Variants in MCTP1 observed in about 807,000 individuals in gnomAD.
MCTP1 encodes the protein multiple C2 and transmembrane domain containing 1, also known as multiple C2 and transmembrane domain-containing protein 1.
Under a neutral mutation model 120.6 loss-of-function variants are expected in MCTP1, and 69 were observed. That is an observed-to-expected ratio of 0.57 (90% CI 0.47 to 0.70). The LOEUF (loss-of-function observed/expected upper bound fraction) is 0.70. MCTP1 is among the 30% of genes least tolerant of loss of function. MCTP1 has a pLI of 0.00. For synonymous variants in MCTP1, 529 were observed against 493.1 expected (o/e 1.07, Z -0.96); for missense variants, 1,203 against 1,248.8 (o/e 0.96, Z 0.55).
chr5:94,801,072 CAG>C (rs1781132616), intron 17 of MCTP1, among the ~76,000 whole-genome samples: 2 of 152,036 alleles, frequency 1.3e-5, no homozygotes, highest in South Asian at 4.1e-4. Flanking sequence ...GTAAATGTGA[CAG>C]ACATCAATAC....
intron 1 of MCTP1, among the ~76,000 whole-genome samples, chr5:95,215,356 G>C (rs1317120466): frequency 2.0e-5 from 3 of 152,188 alleles, no homozygotes; most frequent in Non-Finnish European, 4.4e-5. Context: ...AATAAAGATG[G>C]ATTTTTGTGA....
chr5:94,969,374 T>C (rs975772132), intron 2 of MCTP1, among the ~76,000 whole-genome samples: 40 of 152,196 alleles, frequency 2.6e-4, no homozygotes, highest in African/African-American at 9.4e-4. Context: ...GTATTAAAGA[T>C]ATTTAAAATG....
At chr5:94,871,006 C>T (rs375940713) in intron 14 of MCTP1, 33 bp from the exon 15 acceptor site, 32 of 1,554,848 alleles carry the variant, frequency 2.1e-5, no homozygotes, top group East Asian at 4.5e-5. Flanking sequence ...CCGTCTGTCT[C>T]GCGGTCTCTA....
At chr5:95,269,644 T>G (rs1235046097) in intron 1 of MCTP1, among the ~76,000 whole-genome samples, 1 of 152,222 alleles carries the variant, frequency 6.6e-6, no homozygotes, top group Non-Finnish European at 1.5e-5. Context: ...TGGGTTTGGG[T>G]ACCAAGCATG....
intron 1 of MCTP1, among the ~76,000 whole-genome samples, chr5:95,228,070 A>G (rs1754486003): frequency 6.6e-6 from 1 of 152,184 alleles, no homozygotes; most frequent in Admixed American, 6.5e-5. Context: ...AAAAGGCACC[A>G]AAAAATGGAG....
At chr5:94,773,002 A>G (rs761928739) in intron 19 of MCTP1, among the ~76,000 whole-genome samples, 1 of 152,162 alleles carries the variant, frequency 6.6e-6, no homozygotes, top group Non-Finnish European at 1.5e-5. Context: ...CTCCAGTTGT[A>G]ATGTTGCTAT....
intron 19 of MCTP1, among the ~76,000 whole-genome samples, chr5:94,775,949 TAGA>T (rs2152923471): frequency 6.9e-6 from 1 of 145,362 alleles, no homozygotes; most frequent in African/African-American, 2.5e-5. Flanking sequence ...ATATATATTA[TAGA>T]AATATATTTA....
chr5:94,948,285 G>C (rs1179958448), intron 3 of MCTP1, among the ~76,000 whole-genome samples: 1 of 152,176 alleles, frequency 6.6e-6, no homozygotes, highest in African/African-American at 2.4e-5. Context: ...GGTTACATGA[G>C]ATGATATTGG....
intron 3 of MCTP1, among the ~76,000 whole-genome samples, chr5:94,951,456 T>C (rs1820558645): frequency 6.6e-6 from 1 of 152,184 alleles, no homozygotes; most frequent in African/African-American, 2.4e-5. Context: ...TAAGTAGAAG[T>C]AATTAAAAAT....
At chr5:95,119,400 T>C (rs935033755) in intron 1 of MCTP1, among the ~76,000 whole-genome samples, 1 of 152,154 alleles carries the variant, frequency 6.6e-6, no homozygotes, top group African/African-American at 2.4e-5. Context: ...AGAAAGTTTA[T>C]AGTTATACGT....
At chr5:95,066,382 C>A (rs1018881669) in intron 1 of MCTP1, among the ~76,000 whole-genome samples, 3 of 151,944 alleles carry the variant, frequency 2.0e-5, no homozygotes, top group Middle Eastern at 3.2e-3. Context: ...AAATGAGAAC[C>A]CATACACACT....
intron 12 of MCTP1, among the ~76,000 whole-genome samples, chr5:94,879,870 A>AT (rs140671348): frequency 1.2e-3 from 184 of 152,268 alleles, no homozygotes; most frequent in African/African-American, 4.2e-3. Context: ...CTCAATGTAA[A>AT]TATGAATTTA....
intron 1 of MCTP1, among the ~76,000 whole-genome samples, chr5:95,263,443 T>G (rs1480898553): frequency 6.6e-6 from 1 of 152,160 alleles, no homozygotes; most frequent in African/African-American, 2.4e-5. Context: ...CTAAGTCCTG[T>G]GGCACCCATC....
intron 1 of MCTP1, among the ~76,000 whole-genome samples, chr5:95,114,495 G>T (rs1757675798): frequency 1.3e-5 from 2 of 152,208 alleles, no homozygotes; most frequent in South Asian, 4.1e-4. Context: ...GGCCTTAAGA[G>T]AGCATGGCAG....
intron 1 of MCTP1, among the ~76,000 whole-genome samples, chr5:95,147,149 T>C (rs331565): frequency 0.28 from 43,316 of 152,006 alleles, 6,610 homozygotes; most frequent in East Asian, 0.58. Context: ...TGCAGTGGTG[T>C]GATCTTGGCT....
intron 2 of MCTP1, among the ~76,000 whole-genome samples, chr5:94,991,834 A>T (rs1221545673): frequency 2.0e-5 from 3 of 151,996 alleles, no homozygotes; most frequent in African/African-American, 7.2e-5. Flanking sequence ...CCGAGATCAC[A>T]CCATTGCACT....
chr5:94,854,147 T>C (rs182079838), intron 17 of MCTP1, among the ~76,000 whole-genome samples: 21 of 151,860 alleles, frequency 1.4e-4, no homozygotes, highest in Admixed American at 1.3e-3. Context: ...AGATTATTTC[T>C]CCCTCCTTAC....
At chr5:94,865,046 C>A (rs999020943) in intron 17 of MCTP1, among the ~76,000 whole-genome samples, 1 of 151,872 alleles carries the variant, frequency 6.6e-6, no homozygotes, top group African/African-American at 2.4e-5. Context: ...ACAATATTCA[C>A]AGTAAAATTT....
At chr5:95,216,657 G>A (rs569506392) in intron 1 of MCTP1, among the ~76,000 whole-genome samples, 14 of 152,220 alleles carry the variant, frequency 9.2e-5, no homozygotes, top group African/African-American at 3.4e-4. Flanking sequence ...AGAGACATAA[G>A]GTCACACAAA....
Sources: gnomAD v4.1 joint callset for allele counts (sites outside exome capture counted in the v4.1 genomes callset) on GRCh38, gnomAD v4.1.1 for gene constraint, MANE v1.5 for transcripts, NCBI Gene and HGNC (gene_info 2026-07-23, HGNC 2026-07-21) for gene names.